The following CIRSR variants were observed in gnomAD, a reference collection of about 807,000 sequenced individuals.
CIRSR encodes the protein corepressor of RBPJ and splicing regulator.
the CIRSR span, among the ~76,000 whole-genome samples, chr2:174,371,963 CTT>C: frequency 2.0e-5 from 3 of 151,970 alleles, no homozygotes; most frequent in South Asian, 2.1e-4. Context: ...AATGAAAAGA[CTT>C]TTTTTGTAGC....
At chr2:174,369,751 T>C in the CIRSR span, among the ~76,000 whole-genome samples, 1 of 152,262 alleles carries the variant, frequency 6.6e-6, no homozygotes, top group African/African-American at 2.4e-5. Flanking sequence ...GGGTGGAGCA[T>C]TCAGAATACA....
At chr2:174,356,605 A>AAGGAAG in the CIRSR span, among the ~76,000 whole-genome samples, 8 of 150,372 alleles carry the variant, frequency 5.3e-5, no homozygotes, top group East Asian at 5.9e-4. Context: ...GAGGGAGGGA[A>AAGGAAG]GAAGGAAGGA....
the CIRSR span, chr2:174,381,837 T>C: frequency 1.7e-5 from 19 of 1,144,380 alleles, no homozygotes; most frequent in Admixed American, 2.9e-4. Context: ...AATTATAGAA[T>C]AATCCACTCC....
At chr2:174,380,411 C>T in the CIRSR span, among the ~76,000 whole-genome samples, 1 of 151,394 alleles carries the variant, frequency 6.6e-6, no homozygotes, top group Admixed American at 6.6e-5. Flanking sequence ...TTTCCAAACA[C>T]CATTTAGTTA....
the CIRSR span, among the ~76,000 whole-genome samples, chr2:174,377,143 G>A: frequency 2.0e-5 from 3 of 152,064 alleles, no homozygotes; most frequent in African/African-American, 7.2e-5. Flanking sequence ...CAGTCATAGG[G>A]GCACTATAAA....
At chr2:174,385,725 A>C in the CIRSR span, among the ~76,000 whole-genome samples, 1 of 152,216 alleles carries the variant, frequency 6.6e-6, no homozygotes, top group Non-Finnish European at 1.5e-5. Context: ...TGGAGCAAGA[A>C]AATAAGTAAC....
At chr2:174,391,996 G>A in the CIRSR span, among the ~76,000 whole-genome samples, 1 of 152,062 alleles carries the variant, frequency 6.6e-6, no homozygotes, top group Non-Finnish European at 1.5e-5. Context: ...TGACTAACAG[G>A]TATGCAGGTT....
At chr2:174,395,655 G>A in the CIRSR span, 2 of 1,614,044 alleles carry the variant, frequency 1.2e-6, no homozygotes, top group African/African-American at 2.7e-5. Context: ...GCAGGGGCTA[G>A]ATCTGTTAGC....
At chr2:174,386,096 T>C in the CIRSR span, among the ~76,000 whole-genome samples, 1 of 152,232 alleles carries the variant, frequency 6.6e-6, no homozygotes, top group East Asian at 1.9e-4. Flanking sequence ...TCTGTTTTTA[T>C]CCCTCTAACT....
the CIRSR span, among the ~76,000 whole-genome samples, chr2:174,350,046 AT>A: frequency 4.6e-5 from 7 of 152,162 alleles, no homozygotes; most frequent in East Asian, 9.6e-4. Context: ...AAATAGGACA[AT>A]CCTATTAAAA....
the CIRSR span, among the ~76,000 whole-genome samples, chr2:174,388,247 G>A: frequency 6.6e-6 from 1 of 152,204 alleles, no homozygotes; most frequent in African/African-American, 2.4e-5. Context: ...CACCCAGACT[G>A]GAGTGCAATG....
At chr2:174,372,841 C>T in the CIRSR span, among the ~76,000 whole-genome samples, 2 of 152,076 alleles carry the variant, frequency 1.3e-5, no homozygotes, top group Non-Finnish European at 2.9e-5. Flanking sequence ...CTTGGCCTCC[C>T]GAAGAGTTGG....
chr2:174,392,530 T>C, the CIRSR span, among the ~76,000 whole-genome samples: 1 of 151,984 alleles, frequency 6.6e-6, no homozygotes, highest in Admixed American at 6.6e-5. Flanking sequence ...ACTTAGGAAA[T>C]GCAACAATAT....
the CIRSR span, among the ~76,000 whole-genome samples, chr2:174,371,890 C>T: frequency 6.6e-6 from 1 of 152,090 alleles, no homozygotes; most frequent in Non-Finnish European, 1.5e-5. Context: ...ACTGAAATTG[C>T]CTTATTGCAA....
chr2:174,386,881 A>G, the CIRSR span, among the ~76,000 whole-genome samples: 1 of 152,144 alleles, frequency 6.6e-6, no homozygotes, highest in Non-Finnish European at 1.5e-5. Flanking sequence ...TTGGCCTTCA[A>G]CTATATGTAT....
the CIRSR span, among the ~76,000 whole-genome samples, chr2:174,366,638 G>A: frequency 2.0e-5 from 3 of 152,172 alleles, no homozygotes; most frequent in African/African-American, 4.8e-5. Flanking sequence ...AATGAAGTTT[G>A]TAAAATACAA....
At chr2:174,375,678 T>A in the CIRSR span, among the ~76,000 whole-genome samples, 2 of 152,254 alleles carry the variant, frequency 1.3e-5, no homozygotes, top group African/African-American at 2.4e-5. Context: ...GCATACTTTT[T>A]AAAAATCTTT....
chr2:174,392,506 G>C, the CIRSR span, among the ~76,000 whole-genome samples: 1 of 152,172 alleles, frequency 6.6e-6, no homozygotes, highest in African/African-American at 2.4e-5. Flanking sequence ...CTCAAGATTG[G>C]AGGCAGTAGA....
the CIRSR span, chr2:174,379,123 TA>T: frequency 4.2e-6 from 4 of 943,628 alleles, no homozygotes; most frequent in Non-Finnish European, 6.7e-6. Context: ...TGATAGAATT[TA>T]AGCTAAATTA....
Sources: gnomAD v4.1 joint callset for allele counts (sites outside exome capture counted in the v4.1 genomes callset) on GRCh38, gnomAD v4.1.1 for gene constraint, MANE v1.5 for transcripts, NCBI Gene and HGNC (gene_info 2026-07-23, HGNC 2026-07-21) for gene names.